Variants in NTMT2 observed in about 807,000 individuals in gnomAD.
NTMT2 encodes the protein X-Pro-Lys N-terminal protein methyltransferase 1B.
Under a neutral mutation model 23.4 loss-of-function variants are expected in NTMT2, and 21 were observed. The observed-to-expected ratio is 0.90, with a 90% CI of 0.64 to 1.29. The LOEUF is 1.29. Among genes scored for constraint, NTMT2 ranks in the 50% most tolerant of loss-of-function variants. NTMT2 has a pLI of 0.00. For synonymous variants in NTMT2, 131 were observed against 127.7 expected (o/e 1.03, Z -0.17); for missense variants, 336 against 352.0 (o/e 0.95, Z 0.36).
chr1:170,157,755 C>T (rs1346294608), intron 1 of NTMT2, among the ~76,000 whole-genome samples: 2 of 152,126 alleles, frequency 1.3e-5, no homozygotes, highest in Admixed American at 6.6e-5. Flanking sequence ...ATGCCCTGAT[C>T]ATAACATTTT....
chr1:170,146,281 T>C lies in NTMT2; in HGVS notation c.154+20T>C, dbSNP rs781281708. 7.8e-6 allele frequency: 12 copies of C among 1,547,146 alleles called. No individual in the cohort carries two copies. Among genetic ancestry groups the C allele is most frequent in the South Asian group, 1.2e-5 (1 of 83,506 alleles). ...CCCTGGGTAAGTGAGTCAGAGCTAC[T>C]AGATAAGAAACAAGAAATGACTGAT... is the stretch of plus-strand genomic sequence containing the variant. On this transcript the variant is annotated intron_variant, in intron 1 of 3. Coordinates refer to ENST00000439373, the MANE Select transcript of NTMT2 (RefSeq NM_001136107.2).
chr1:170,150,494 G>A (rs893387403), intron 1 of NTMT2, among the ~76,000 whole-genome samples: 2 of 152,208 alleles, frequency 1.3e-5, no homozygotes. Context: ...GATGAGTTAA[G>A]TAACTTGCCA....
intron 1 of NTMT2, among the ~76,000 whole-genome samples, chr1:170,148,188 G>T (rs529501190): frequency 1.7e-5 from 2 of 115,340 alleles, no homozygotes; most frequent in African/African-American, 6.8e-5. Context: ...TCACTGTGTC[G>T]CCCAGGCTGG....
intron 1 of NTMT2, among the ~76,000 whole-genome samples, chr1:170,147,544 GA>G (rs990892024): frequency 6.0e-5 from 9 of 149,804 alleles, no homozygotes; most frequent in East Asian, 5.8e-4. Flanking sequence ...TATCCAAAAG[GA>G]AAAAAAAATA....
chr1:170,151,716 G>A (rs1481969528), intron 1 of NTMT2, among the ~76,000 whole-genome samples: 3 of 151,942 alleles, frequency 2.0e-5, no homozygotes, highest in African/African-American at 4.8e-5. Flanking sequence ...GAGTATGAGA[G>A]GGATGATCTA....
At chr1:170,166,328 A>C (rs1673385055) in intron 2 of NTMT2, among the ~76,000 whole-genome samples, 174 bp from the exon 3 acceptor site, 1 of 146,198 alleles carries the variant, frequency 6.8e-6, no homozygotes, top group Admixed American at 6.8e-5. Context: ...TTTTTAGTAG[A>C]GACGGGGTTT....
intron 1 of NTMT2, chr1:170,158,258 C>T (rs1173516878): frequency 6.6e-6 from 1 of 152,020 alleles, no homozygotes; most frequent in African/African-American, 2.4e-5. Context: ...GTCTTTTGAA[C>T]ATAGAGTTGC....
chr1:170,164,985 A>T (rs1411358598), intron 2 of NTMT2, among the ~76,000 whole-genome samples: 1 of 152,186 alleles, frequency 6.6e-6, no homozygotes, highest in Non-Finnish European at 1.5e-5. Context: ...TTTCTAGCAT[A>T]ACGAAGGCCA....
At chr1:170,164,108 T>C (rs1007203066) in intron 2 of NTMT2, among the ~76,000 whole-genome samples, 5 of 111,032 alleles carry the variant, frequency 4.5e-5, no homozygotes, top group African/African-American at 1.7e-4. Context: ...GGTGACAGAA[T>C]GAGACTCTAT....
intron 2 of NTMT2, among the ~76,000 whole-genome samples, chr1:170,161,434 T>C (rs1673270985): frequency 1.3e-5 from 2 of 152,232 alleles, no homozygotes; most frequent in South Asian, 4.1e-4. Context: ...AGTCCTGCAT[T>C]GGGTCAACCC....
chr1:170,166,875 A>G (rs1488415879), intron 3 of NTMT2, 124 bp downstream of exon 3: 34 of 993,364 alleles, frequency 3.4e-5, no homozygotes, highest in Non-Finnish European at 4.8e-5. Flanking sequence ...AGCTAGCCTT[A>G]GGTGTCATGT....
chr1:170,166,470 T>A, intron 2 of NTMT2, 32 bp from the exon 3 acceptor site: 1 of 1,551,520 alleles, frequency 6.4e-7, no homozygotes, highest in Non-Finnish European at 8.7e-7. Context: ...GATGGGTCTC[T>A]GTACTTGAAA....
Position 170,168,132 on chromosome 1 carries a change from T to G in NTMT2, c.*375T>G, listed in dbSNP as rs1303131408. 9.6e-5 allele frequency among the ~76,000 whole-genome samples: 7 copies of G among 72,848 alleles called. No individual in the cohort carries two copies. Among genetic ancestry groups the G allele is most frequent in the East Asian group, 2.6e-4 (1 of 3,816 alleles). 47.8% of individuals were successfully genotyped at this position (72,848 alleles called of 152,430 possible). ...ACAACATCCTAGACAAAAATGGTGGTTTTTTTTTTGTTTTTCCATCACAAG... is the reference window on the plus strand; with the variant it reads ...ACAACATCCTAGACAAAAATGGTGGGTTTTTTTTTGTTTTTCCATCACAAG... On this transcript the variant is annotated 3_prime_UTR_variant, in exon 4 of 4. Transcript: ENST00000439373.
At chr1:170,157,448 C>T (rs189048296) in intron 1 of NTMT2, among the ~76,000 whole-genome samples, 8 of 152,190 alleles carry the variant, frequency 5.3e-5, no homozygotes, top group Admixed American at 2.0e-4. Context: ...TTCTCATTAT[C>T]CCTTTCAGCA....
intron 1 of NTMT2, 41 bp downstream of exon 1, chr1:170,146,302 C>T: frequency 6.5e-7 from 1 of 1,534,540 alleles, no homozygotes; most frequent in Non-Finnish European, 8.8e-7. Context: ...CAAGAAATGA[C>T]TGATGGGATT....
In NTMT2 at chr1:170,168,198, T is replaced by C. The variant is rs182115633; in HGVS notation, c.*441T>C. Among the ~76,000 whole-genome samples, 9 of 147,952 alleles carry C rather than the reference T, an allele frequency of 6.1e-5. No homozygotes were observed. The highest frequency in any genetic ancestry group is 3.9e-4 in the East Asian group (2 of 5,098). ...TGTGCATCAAGGAAAACAAATAATT[T>C]AGCTTTGGGGGTTGTTCAGATAAAG... On this transcript the variant is annotated 3_prime_UTR_variant, in exon 4 of 4. Coordinates refer to ENST00000439373, the MANE Select transcript of NTMT2 (RefSeq NM_001136107.2).
At chr1:170,153,630 C>T (rs975391856) in intron 1 of NTMT2, among the ~76,000 whole-genome samples, 10 of 152,190 alleles carry the variant, frequency 6.6e-5, no homozygotes, top group African/African-American at 2.4e-4. Flanking sequence ...CTTAGCATAT[C>T]TGGTGGAATA....
intron 1 of NTMT2, among the ~76,000 whole-genome samples, chr1:170,156,801 C>T (rs1246288779): frequency 2.6e-5 from 4 of 151,934 alleles, no homozygotes; most frequent in East Asian, 3.9e-4. Flanking sequence ...CCATAAAAGC[C>T]CACCTATTGA....
At chr1:170,157,703 G>C (rs1387371676) in intron 1 of NTMT2, among the ~76,000 whole-genome samples, 5 of 152,044 alleles carry the variant, frequency 3.3e-5, no homozygotes, top group Non-Finnish European at 7.4e-5. Context: ...TTTTCTCTTT[G>C]ATTTCTTCTG....
Sources: gnomAD v4.1 joint callset for allele counts (sites outside exome capture counted in the v4.1 genomes callset) on GRCh38, gnomAD v4.1.1 for gene constraint, MANE v1.5 for transcripts, NCBI Gene and HGNC (gene_info 2026-07-23, HGNC 2026-07-21) for gene names.